The following YY2 variants were observed in gnomAD, a reference collection of about 807,000 sequenced individuals.
YY2 encodes transcription factor YY2.
For synonymous variants in YY2, 157 were observed against 131.2 expected (o/e 1.20, Z -1.35); for missense variants, 254 against 305.3 (o/e 0.83, Z 1.25).
chrX:21,856,689 A>T lies in YY2; in HGVS notation c.205A>T (p.Thr69Ser). Residue 69 changes from threonine to serine, a missense_variant, in exon 1 of 1, where the codon ACG becomes TCG. Physicochemically the swap from Thr to Ser is moderately conservative, Grantham distance 58. Coordinates refer to ENST00000429584, the MANE Select transcript of YY2 (RefSeq NM_206923.4). ...GGTGTTGCAGCCGCTCTTCACGAAC[A>T]CGGGCTATGGCGACCACGACCAGGA... ...LMVLQPLFTNTGYGDHDQEML... is the reference protein window; with the variant it reads ...LMVLQPLFTNSGYGDHDQEML... 8.3e-7 allele frequency: 1 copy of T among 1,211,738 alleles called. No individual in the cohort carries two copies. The highest frequency in any genetic ancestry group is 3.0e-5 in the East Asian group (1 of 33,833).
rs932755528 is a variant in YY2, at chrX:21,857,927, C to T, written c.*324C>T. On this transcript the variant is annotated 3_prime_UTR_variant, in exon 1 of 1. Coordinates refer to ENST00000429584, the MANE Select transcript of YY2 (RefSeq NM_206923.4). ...ACAAACTGTTTAAAATGGGACTTTT[C>T]ACATTCTTAGAAATAGGAAGTTCAT... 5.5e-6 allele frequency: 1 copy of T among 182,932 alleles called. No individual in the cohort carries two copies. The highest frequency in any genetic ancestry group is 3.0e-5 in the African/African-American group (1 of 33,245). The allele number at this position is 182,932 out of a possible 1,213,427, so 15.1% of individuals were successfully genotyped here.
Position 21,857,057 on chromosome X carries a change from C to A in YY2, c.573C>A (p.Asn191Lys), listed in dbSNP as rs959495609. 11 of 1,211,725 alleles carry A rather than the reference C, an allele frequency of 9.1e-6. No individual in the cohort carries two copies. Among genetic ancestry groups the A allele is most frequent in the Non-Finnish European group, 1.2e-5 (11 of 895,515 alleles). ...GEFSVTMWSPNDNNDQGAVGE... is the reference protein window; with the variant it reads ...GEFSVTMWSPKDNNDQGAVGE... The stretch of plus-strand genomic sequence containing the variant: ...TTTCCGTGACTATGTGGTCCCCTAA[C>A]GATAACAATGACCAAGGGGCAGTGG... Residue 191 changes from asparagine to lysine, a missense_variant, in exon 1 of 1, where the codon AAC (asparagine) becomes AAA (lysine). Transcript: ENST00000429584.
chrX:21,856,676 G>T lies in YY2; in HGVS notation c.192G>T (p.Pro64=). ...ATCCGCCATTGATGGTGTTGCAGCC[G>T]CTCTTCACGAACACGGGCTATGGCG... ...HNHPPLMVLQ[P]LFTNTGYGDH... Residue 64 remains proline, a synonymous_variant, in exon 1 of 1, where the codon CCG becomes CCT. Transcript: ENST00000429584. The T allele has an allele frequency of 8.3e-7, 1 of 1,211,765 alleles. No homozygotes were observed. Among genetic ancestry groups the T allele is most frequent in the Non-Finnish European group, 1.1e-6 (1 of 895,587 alleles).
Position 21,856,165 on chromosome X carries a change from G to A in YY2, c.-320G>A, listed in dbSNP as rs951405216. ...TGGGCGGGGTCGCAGGGTGGCAAAC[G>A]TACGCGGGCACGTGCACGTGCTTTT... On this transcript the variant is annotated 5_prime_UTR_variant, in exon 1 of 1. Coordinates refer to ENST00000429584, the MANE Select transcript of YY2 (RefSeq NM_206923.4). 3.7e-5 allele frequency: 10 copies of A among 267,656 alleles called. No individual in the cohort carries two copies. The East Asian group carries it at 4.2e-4, about 11-fold the overall frequency. The allele number at this position is 267,656 out of a possible 1,213,427, so 22.1% of individuals were successfully genotyped here.
Position 21,857,504 on chromosome X carries a change from C to G in YY2, c.1020C>G (p.Pro340=). Residue 340 remains proline (P), a synonymous_variant, in exon 1 of 1, where the codon CCC becomes CCG. Coordinates refer to ENST00000429584, the MANE Select transcript of YY2 (RefSeq NM_206923.4). The part of the protein sequence containing the change: ...THLRIHTGDK[P]FVCPFDVCNR... ...TGCGCATCCACACCGGCGATAAGCC[C>G]TTCGTGTGCCCCTTCGATGTTTGCA... 1 of 1,212,150 alleles carries G rather than the reference C, an allele frequency of 8.2e-7. No homozygotes were observed. Among genetic ancestry groups the G allele is most frequent in the African/African-American group, 1.7e-5 (1 of 57,917 alleles).
Position 21,857,868 on chromosome X carries a change from A to G in YY2, c.*265A>G. Reference sequence around the variant, plus strand: ...GTAAAGTTTGGTCCCAACAGGAGAAAAATTCGTAGACTTCACATCAAGAGA... The same window carrying G: ...GTAAAGTTTGGTCCCAACAGGAGAAGAATTCGTAGACTTCACATCAAGAGA... On this transcript the variant is annotated 3_prime_UTR_variant, in exon 1 of 1. Coordinates refer to ENST00000429584, the MANE Select transcript of YY2 (RefSeq NM_206923.4). The G allele has an allele frequency of 3.6e-6, 1 of 274,717 alleles. No homozygotes were observed. Among genetic ancestry groups the G allele is most frequent in the Non-Finnish European group, 6.6e-6 (1 of 151,139 alleles). 22.6% of individuals were successfully genotyped at this position (274,717 alleles called of 1,213,427 possible).
Position 21,858,246 on chromosome X carries a change from A to G in YY2, c.*643A>G, listed in dbSNP as rs781373390. The G allele has an allele frequency of 1.6e-5, 2 of 124,025 alleles. No homozygotes were observed. The highest frequency in any genetic ancestry group is 6.4e-5 in the African/African-American group (2 of 31,107). The allele number at this position is 124,025 out of a possible 1,213,427, so 10.2% of individuals were successfully genotyped here. A position where few individuals can be genotyped will look rare whatever the true frequency, so the allele number is the denominator to read the frequency against. ...TATTGATATTAGGTGATTTAATAGTACTAGTTTAAACCTATTTTAGTCATT... is the reference window on the plus strand; with the variant it reads ...TATTGATATTAGGTGATTTAATAGTGCTAGTTTAAACCTATTTTAGTCATT... On this transcript the variant is annotated 3_prime_UTR_variant, in exon 1 of 1. Coordinates refer to ENST00000429584, the MANE Select transcript of YY2 (RefSeq NM_206923.4).
At position 21,856,637 on chromosome X, in the gene YY2, C is replaced by T; in HGVS notation, c.153C>T (p.Tyr51=). ...AGGATGTGGATGGCAATTGGATCTACGGTGGCCACAACCATCCGCCATTGA... is the reference window on the plus strand; with the variant it reads ...AGGATGTGGATGGCAATTGGATCTATGGTGGCCACAACCATCCGCCATTGA... The part of the protein sequence containing the change: ...QYEDVDGNWI[Y]GGHNHPPLMV... Residue 51 remains tyrosine, a synonymous_variant, in exon 1 of 1, where the codon TAC becomes TAT. Transcript: ENST00000429584. The T allele has an allele frequency of 1.7e-6, 2 of 1,211,894 alleles. No individual in the cohort carries two copies. The highest frequency in any genetic ancestry group is 2.2e-6 in the Non-Finnish European group (2 of 895,583).
rs1391153106 is a variant in YY2 at position 21,858,167 on chromosome X, T to G, written c.*564T>G. The G allele has an allele frequency of 2.4e-5, 3 of 124,823 alleles. No homozygotes were observed. Among genetic ancestry groups the G allele is most frequent in the African/African-American group, 9.6e-5 (3 of 31,278 alleles). The allele number at this position is 124,823 out of a possible 1,213,427, so 10.3% of individuals were successfully genotyped here. A position where few individuals can be genotyped will look rare whatever the true frequency, so the allele number is the denominator to read the frequency against. ...TAGGTGTTATTTGTTTTAATCTTGG[T>G]TGTAGTCTTGGATGTTAACACATCT... On this transcript the variant is annotated 3_prime_UTR_variant, in exon 1 of 1. Coordinates refer to ENST00000429584, the MANE Select transcript of YY2 (RefSeq NM_206923.4).
rs5951642 is a variant in YY2, at chrX:21,857,994, A to G, written c.*391A>G. ...TTTTAAAAAACTTGTTAAAAAATTC[A>G]AAGTGTTCATGTTTATACTTTTAGG... On this transcript the variant is annotated 3_prime_UTR_variant, in exon 1 of 1. Transcript: ENST00000429584. 0.44 allele frequency: 58,316 copies of G among 132,947 alleles called. 9,508 individuals are homozygous for G. The highest frequency in any genetic ancestry group is 0.59 in the East Asian group (2,299 of 3,911). 11.0% of individuals were successfully genotyped at this position (132,947 alleles called of 1,213,427 possible). A position where few individuals can be genotyped will look rare whatever the true frequency, so the allele number is the denominator to read the frequency against.
In YY2 at chrX:21,856,567, A is replaced by G. The variant is rs768359994; in HGVS notation, c.83A>G (p.Glu28Gly). ...GTGGAGCTCCACGACATCAATGTGG[A>G]GCCCCTTCCTATGGAGGACATTCCG... is the stretch of plus-strand genomic sequence containing the variant. Reference protein sequence around the residue: ...DIVELHDINVEPLPMEDIPTE... With the variant: ...DIVELHDINVGPLPMEDIPTE... Residue 28 changes from glutamate (E) to glycine (G), a missense_variant, in exon 1 of 1, where the codon GAG becomes GGG. Physicochemically the swap from Glu to Gly is moderately conservative, Grantham distance 98. Transcript: ENST00000429584. The G allele has an allele frequency of 8.3e-7, 1 of 1,211,944 alleles. No homozygotes were observed. Among genetic ancestry groups the G allele is most frequent in the Non-Finnish European group, 1.1e-6 (1 of 895,537 alleles).
At position 21,857,522 on chromosome X, in the gene YY2, T is replaced by G; in HGVS notation, c.1038T>G (p.Asp346Glu). ...TGDKPFVCPF[D>E]VCNRKFAQST... is the part of the protein sequence containing the mutation. ...ATAAGCCCTTCGTGTGCCCCTTCGA[T>G]GTTTGCAACAGGAAGTTCGCTCAGT... The change falls in exon 1 of 1, where the codon GAT (aspartate) becomes GAG (glutamate). Residue 346 changes from aspartate (D) to glutamate (E), a missense_variant. Coordinates refer to ENST00000429584, the MANE Select transcript of YY2 (RefSeq NM_206923.4). 8.2e-7 allele frequency: 1 copy of G among 1,212,191 alleles called. No individual in the cohort carries two copies. Among genetic ancestry groups the G allele is most frequent in the Admixed American group, 2.2e-5 (1 of 46,107 alleles).
chrX:21,857,734 T>C lies in YY2; in HGVS notation c.*131T>C, dbSNP rs1602143563. Reference sequence around the variant, plus strand: ...AAAATGAATCCTGCACATTTAAGGTTCGTGTTTTGTTAGAGTAGTAAAAAT... The same window carrying C: ...AAAATGAATCCTGCACATTTAAGGTCCGTGTTTTGTTAGAGTAGTAAAAAT... On this transcript the variant is annotated 3_prime_UTR_variant, in exon 1 of 1. Coordinates refer to ENST00000429584, the MANE Select transcript of YY2 (RefSeq NM_206923.4). 1.3e-6 allele frequency: 1 copy of C among 782,891 alleles called. No individual in the cohort carries two copies. 64.5% of individuals were successfully genotyped at this position (782,891 alleles called of 1,213,427 possible).
At position 21,856,467 on chromosome X, in the gene YY2, C is replaced by T. The variant is rs1569323723; in HGVS notation, c.-18C>T. ...CCCACGGTCTTCCCGTTGCCGCTAA[C>T]CTAACTAACTCTCAGCCATGGCCTC... On this transcript the variant is annotated 5_prime_UTR_variant, in exon 1 of 1. Transcript: ENST00000429584. 1 of 1,195,811 alleles carries T rather than the reference C, an allele frequency of 8.4e-7. No homozygotes were observed. The highest frequency in any genetic ancestry group is 1.1e-6 in the Non-Finnish European group (1 of 886,534).
In YY2 at chrX:21,856,866, G is replaced by GCATCAACATCAA; in HGVS notation, c.390_401dup (p.Ser131_Thr134dup). 8.3e-7 allele frequency: 1 copy of GCATCAACATCAA among 1,211,513 alleles called. No homozygotes were observed. The highest frequency in any genetic ancestry group is 2.3e-4 in the Middle Eastern group (1 of 4,352). ...CCTGGCCTCTCTGTCGGCCTCGGCG[G>GCATCAACATCAA]CATCAACATCAACATCAACCCAGAG... On this transcript the variant is annotated inframe_insertion, in exon 1 of 1. Transcript: ENST00000429584.
chrX:21,856,461 C>T lies in YY2; in HGVS notation c.-24C>T. The T allele has an allele frequency of 1.7e-6, 2 of 1,190,395 alleles. No homozygotes were observed. Among genetic ancestry groups the T allele is most frequent in the Non-Finnish European group, 2.3e-6 (2 of 883,841 alleles). ...CTTTTTCCCACGGTCTTCCCGTTGC[C>T]GCTAACCTAACTAACTCTCAGCCAT... is the stretch of plus-strand genomic sequence containing the variant. On this transcript the variant is annotated 5_prime_UTR_variant, in exon 1 of 1. Transcript: ENST00000429584.
chrX:21,857,587 C>A lies in YY2; in HGVS notation c.1103C>A (p.Thr368Asn). 1 of 1,202,955 alleles carries A rather than the reference C, an allele frequency of 8.3e-7. No individual in the cohort carries two copies. Among genetic ancestry groups the A allele is most frequent in the Non-Finnish European group, 1.1e-6 (1 of 890,707 alleles). The change falls in exon 1 of 1, where the codon ACC (threonine) becomes AAC (asparagine). Residue 368 changes from threonine to asparagine, a missense_variant. Coordinates refer to ENST00000429584, the MANE Select transcript of YY2 (RefSeq NM_206923.4). ...ACCCACATATTAACGCATGTGAAGA[C>A]CAAAAACAACCCGTGAAAAGGAGAA... The part of the protein sequence containing the change: ...LKTHILTHVK[T>N]KNNP
rs1213940858 is a variant in YY2, at chrX:21,856,257, C to T, written c.-228C>T. Reference sequence around the variant, plus strand: ...GCTATCCCAGAAGCACCTGCGCCTTCCGGCTCGTGCTTTCCTCAGTCTCGC... The same window carrying T: ...GCTATCCCAGAAGCACCTGCGCCTTTCGGCTCGTGCTTTCCTCAGTCTCGC... On this transcript the variant is annotated 5_prime_UTR_variant, in exon 1 of 1. Transcript: ENST00000429584. The T allele has an allele frequency of 9.6e-6, 4 of 414,515 alleles. No individual in the cohort carries two copies. Among genetic ancestry groups the T allele is most frequent in the Non-Finnish European group, 1.6e-5 (4 of 244,098 alleles). 34.2% of individuals were successfully genotyped at this position (414,515 alleles called of 1,213,427 possible).
rs921115746 is a variant in YY2 at position 21,858,604 on chromosome X, A to G, written c.*1001A>G. The G allele has an allele frequency of 8.1e-6, 1 of 123,004 alleles. No individual in the cohort carries two copies. Among genetic ancestry groups the G allele is most frequent in the African/African-American group, 3.3e-5 (1 of 30,737 alleles). The allele number at this position is 123,004 out of a possible 1,213,427, so 10.1% of individuals were successfully genotyped here. A position where few individuals can be genotyped will look rare whatever the true frequency, so the allele number is the denominator to read the frequency against. On this transcript the variant is annotated 3_prime_UTR_variant, in exon 1 of 1. Coordinates refer to ENST00000429584, the MANE Select transcript of YY2 (RefSeq NM_206923.4). ...ACATAATTATTTGGCTAAAATGCCA[A>G]TAGTGTCAGGTGCAGGGGCTCAGGC...
Sources: allele counts gnomAD v4.1 joint callset, GRCh38; gene constraint gnomAD v4.1.1; transcripts MANE v1.5; gene names NCBI Gene and HGNC (gene_info 2026-07-23, HGNC 2026-07-21).